The following PDE7B variants were observed in gnomAD, a reference collection of about 807,000 sequenced individuals.
PDE7B encodes phosphodiesterase 7B, also known as 3',5'-cyclic-AMP phosphodiesterase 7B.
In PDE7B, 29 loss-of-function variants were observed where a neutral mutation model predicts 56.2. The observed-to-expected ratio is 0.52, with a 90% CI of 0.38 to 0.70. The LOEUF is 0.70. PDE7B is among the 30% of genes least tolerant of loss of function. The pLI is 0.00. For synonymous variants in PDE7B, 197 were observed against 196.9 expected, an observed-to-expected ratio of 1.00 and a Z score of 0.00; for missense variants, 490 against 565.0, an observed-to-expected ratio of 0.87 and a Z score of 1.35.
intron 2 of PDE7B, among the ~76,000 whole-genome samples, chr6:136,018,273 C>G (rs1320362952): frequency 1.3e-5 from 2 of 152,122 alleles, no homozygotes; most frequent in Non-Finnish European, 2.9e-5. Context: ...ACAGCCCTAT[C>G]CCCAGAGACC....
intron 2 of PDE7B, among the ~76,000 whole-genome samples, chr6:136,015,316 G>T (rs1169356999): frequency 6.6e-6 from 1 of 152,182 alleles, no homozygotes. Flanking sequence ...ATTGTCAGCG[G>T]ATATAACCCT....
At chr6:135,884,967 C>T (rs373409122) in intron 1 of PDE7B, among the ~76,000 whole-genome samples, 12 of 152,258 alleles carry the variant, frequency 7.9e-5, no homozygotes, top group East Asian at 7.7e-4. Context: ...TAAGATCTCA[C>T]AGCATGTCAG....
chr6:135,906,287 T>G (rs934101686), intron 1 of PDE7B, among the ~76,000 whole-genome samples: 1 of 152,194 alleles, frequency 6.6e-6, no homozygotes, highest in African/African-American at 2.4e-5. Flanking sequence ...TATCTTAAAG[T>G]TTATTTTAAA....
At chr6:135,867,529 C>T (rs1370889814) in intron 1 of PDE7B, among the ~76,000 whole-genome samples, 1 of 151,996 alleles carries the variant, frequency 6.6e-6, no homozygotes, top group African/African-American at 2.4e-5. Context: ...TTTCATCACC[C>T]AAGTATTAAG....
intron 1 of PDE7B, among the ~76,000 whole-genome samples, chr6:135,926,389 C>T (rs1173595260): frequency 6.6e-6 from 1 of 151,914 alleles, no homozygotes; most frequent in Non-Finnish European, 1.5e-5. Context: ...GCCCGGCAAA[C>T]CTCTGTATTT....
intron 2 of PDE7B, among the ~76,000 whole-genome samples, chr6:136,005,969 T>C: frequency 6.6e-6 from 1 of 151,754 alleles, no homozygotes; most frequent in Non-Finnish European, 1.5e-5. Context: ...TGTCCAACAA[T>C]GATAGACTGG....
intron 2 of PDE7B, among the ~76,000 whole-genome samples, chr6:136,097,145 C>T (rs58480042): frequency 0.025 from 3,834 of 152,282 alleles, 155 homozygotes; most frequent in African/African-American, 0.085. Flanking sequence ...TCGCTCATTT[C>T]CTAGGCAACT....
chr6:136,050,700 G>A (rs1340433073), intron 2 of PDE7B, among the ~76,000 whole-genome samples: 2 of 152,184 alleles, frequency 1.3e-5, no homozygotes, highest in Non-Finnish European at 1.5e-5. Flanking sequence ...TGCAAAAGTA[G>A]TGGTGACCAT....
chr6:136,093,604 A>T (rs536567665), intron 2 of PDE7B, among the ~76,000 whole-genome samples: 23 of 152,302 alleles, frequency 1.5e-4, no homozygotes, highest in African/African-American at 5.5e-4. Flanking sequence ...ATGGTGGCTT[A>T]GTTCCCTTTT....
intron 2 of PDE7B, among the ~76,000 whole-genome samples, chr6:136,016,662 C>T (rs1028893611): frequency 7.2e-5 from 11 of 152,128 alleles, no homozygotes; most frequent in African/African-American, 2.7e-4. Flanking sequence ...CCTGGTCTCA[C>T]TGCTGCAGCA....
intron 8 of PDE7B, chr6:136,156,059 T>A (rs1000405251): frequency 1.4e-5 from 6 of 432,282 alleles, no homozygotes; most frequent in Admixed American, 3.4e-5. Context: ...CCAAAGACCT[T>A]ACTAGAATAA....
chr6:136,060,985 T>C (rs970931557), intron 2 of PDE7B, among the ~76,000 whole-genome samples: 13 of 152,204 alleles, frequency 8.5e-5, no homozygotes, highest in East Asian at 1.9e-4. Flanking sequence ...ATAGTGACTG[T>C]TGTGTAATAG....
At chr6:135,864,273 CTT>C (rs1775209507) in intron 1 of PDE7B, among the ~76,000 whole-genome samples, 1 of 152,008 alleles carries the variant, frequency 6.6e-6, no homozygotes, top group Non-Finnish European at 1.5e-5. Context: ...AGGTATTTAA[CTT>C]TATATAATGT....
chr6:135,950,937 C>T (rs762985424), intron 2 of PDE7B, among the ~76,000 whole-genome samples: 1 of 152,140 alleles, frequency 6.6e-6, no homozygotes, highest in Non-Finnish European at 1.5e-5. Flanking sequence ...GGATTCAATG[C>T]AGCTTTAAAT....
intron 2 of PDE7B, among the ~76,000 whole-genome samples, chr6:136,042,199 G>C (rs570982731): frequency 1.1e-4 from 17 of 152,292 alleles, no homozygotes; most frequent in African/African-American, 4.1e-4. Flanking sequence ...TAGAAAGTCA[G>C]CTTACACCAT....
chr6:135,901,437 A>G (rs1405705233), intron 1 of PDE7B, among the ~76,000 whole-genome samples: 1 of 152,214 alleles, frequency 6.6e-6, no homozygotes, highest in Non-Finnish European at 1.5e-5. Flanking sequence ...TGTTTTCAAT[A>G]GGCGGAAAGC....
intron 9 of PDE7B, among the ~76,000 whole-genome samples, chr6:136,178,656 C>G (rs1053687199): frequency 6.6e-6 from 1 of 152,230 alleles, no homozygotes; most frequent in Non-Finnish European, 1.5e-5. Context: ...TAAAAACACA[C>G]CGCCAATCTC....
intron 3 of PDE7B, among the ~76,000 whole-genome samples, chr6:136,144,042 A>G (rs978095860): frequency 6.6e-6 from 1 of 152,088 alleles, no homozygotes; most frequent in African/African-American, 2.4e-5. Context: ...GGAAAAGATC[A>G]TCTATATTTT....
intron 2 of PDE7B, among the ~76,000 whole-genome samples, chr6:136,080,572 T>C (rs1777190498): frequency 6.6e-6 from 1 of 152,238 alleles, no homozygotes; most frequent in African/African-American, 2.4e-5. Flanking sequence ...CATTTCTCAC[T>C]TGTTGTAAAC....
Sources: allele counts gnomAD v4.1 joint callset (sites outside exome capture counted in the v4.1 genomes callset), GRCh38; gene constraint gnomAD v4.1.1; transcripts MANE v1.5; gene names NCBI Gene and HGNC (gene_info 2026-07-23, HGNC 2026-07-21).